Variants in COL5A3 observed in about 807,000 individuals in gnomAD.
The protein encoded by COL5A3 is collagen alpha-3(V) chain.
In COL5A3, 172 loss-of-function variants were observed where a neutral mutation model predicts 250.0. That is an observed-to-expected ratio of 0.69 (90% CI 0.61 to 0.78). The LOEUF is 0.78. Ranked by LOEUF, COL5A3 falls within the 30% of genes least tolerant of loss-of-function variation. COL5A3 has a pLI of 0.00. For synonymous variants in COL5A3, 937 were observed against 900.4 expected (o/e 1.04, Z -0.73); for missense variants, 2,340 against 2,334.4 (o/e 1.00, Z -0.05).
Position 10,010,504 on chromosome 19 carries a change from T to A in COL5A3, c.-119A>T, listed in dbSNP as rs2087515720. 4 of 581,756 alleles carry A rather than the reference T, an allele frequency of 6.9e-6. No homozygotes were observed. Among genetic ancestry groups the A allele is most frequent in the Non-Finnish European group, 1.0e-5 (4 of 381,398 alleles). 36.0% of individuals were successfully genotyped at this position (581,756 alleles called of 1,614,324 possible). On this transcript the variant is annotated 5_prime_UTR_variant, in exon 1 of 67. Coordinates refer to ENST00000264828, the MANE Select transcript of COL5A3 (RefSeq NM_015719.4). ...GCTCCTCTCAGGGTCCGCGGGAAACTGCCCGAGACCCCGCCCTGGCCTCGC... is the reference window on the plus strand; with the variant it reads ...GCTCCTCTCAGGGTCCGCGGGAAACAGCCCGAGACCCCGCCCTGGCCTCGC...
At chr19:9,964,478 T>C (rs2086711131) in intron 64 of COL5A3, among the ~76,000 whole-genome samples, 1 of 152,000 alleles carries the variant, frequency 6.6e-6, no homozygotes, top group Admixed American at 6.6e-5. Flanking sequence ...GATGCACACC[T>C]GTGTGATGCA....
chr19:9,983,604 A>AAG (rs1157519587), intron 31 of COL5A3, among the ~76,000 whole-genome samples: 2 of 99,776 alleles, frequency 2.0e-5, no homozygotes, highest in Non-Finnish European at 4.3e-5. Flanking sequence ...AAGAAAGAGA[A>AAG]AGAGAGAGAG....
At chr19:9,977,146 C>T (rs2086933058) in intron 44 of COL5A3, 83 bp downstream of exon 44, 16 of 1,350,632 alleles carry the variant, frequency 1.2e-5, no homozygotes, top group Non-Finnish European at 1.7e-5. Flanking sequence ...TCTCCTACCC[C>T]ATGGAGAATG....
At chr19:9,984,172 G>A (rs1263376989) in intron 31 of COL5A3, among the ~76,000 whole-genome samples, 1 of 152,082 alleles carries the variant, frequency 6.6e-6, no homozygotes, top group South Asian at 2.1e-4. Flanking sequence ...ACAGGCACCC[G>A]CCACTGCACC....
At position 9,996,496 on chromosome 19, in the gene COL5A3, G is replaced by A. The variant is rs1308887712; in HGVS notation, c.1359C>T (p.Ser453=). 1.9e-6 allele frequency: 3 copies of A among 1,614,124 alleles called. No homozygotes were observed. Among genetic ancestry groups the A allele is most frequent in the Admixed American group, 1.7e-5 (1 of 60,016 alleles). ...GGAATGAGACTGGGGGGCCTTTAAA[G>A]GAGCCGCCTGCAAACTGGAACTGGG... ...IMMPFQFAGG[S]FKGPPVSFQQ... The change falls in exon 13 of 67, where the codon TCC becomes TCT. Residue 453 remains serine, a synonymous_variant. Transcript: ENST00000264828.
intron 24 of COL5A3, among the ~76,000 whole-genome samples, chr19:9,990,816 G>A (rs2087178803): frequency 6.6e-6 from 1 of 152,128 alleles, no homozygotes; most frequent in African/African-American, 2.4e-5. Context: ...CCCCATCTCA[G>A]CCTCCCAAAG....
rs368019895 is a variant in COL5A3, at chr19:9,967,885, G to A, written c.4404+19C>T. The A allele has an allele frequency of 2.2e-5, 36 of 1,611,516 alleles. No homozygotes were observed. The highest frequency in any genetic ancestry group is 5.3e-5 in the African/African-American group (4 of 74,970). ...GGGGAGCTGGGATGTGTAAGCCCAC[G>A]GAAGCAGGGTGTACTCACCGGAGAC... On this transcript the variant is annotated intron_variant, in intron 61 of 66. Transcript: ENST00000264828.
intron 24 of COL5A3, 51 bp from the exon 25 acceptor site, chr19:9,989,573 A>G (rs1183402593): frequency 3.3e-6 from 5 of 1,518,554 alleles, no homozygotes; most frequent in African/African-American, 2.8e-5. Flanking sequence ...AGAGCCCTGG[A>G]GCACCACTAG....
intron 65 of COL5A3, among the ~76,000 whole-genome samples, chr19:9,961,148 C>T (rs556855111): frequency 6.6e-6 from 1 of 152,266 alleles, no homozygotes; most frequent in East Asian, 1.9e-4. Context: ...GCTTCATCCA[C>T]CAATCCAGGG....
intron 8 of COL5A3, among the ~76,000 whole-genome samples, chr19:9,999,435 A>C (rs1599225653): frequency 6.9e-6 from 1 of 145,892 alleles, no homozygotes; most frequent in South Asian, 2.2e-4. Context: ...GAGCCACTGC[A>C]CCTGGCCTTT....
intron 1 of COL5A3, among the ~76,000 whole-genome samples, chr19:10,007,389 C>T (rs1431688739): frequency 1.3e-5 from 2 of 152,254 alleles, no homozygotes; most frequent in Non-Finnish European, 2.9e-5. Context: ...GTCTGACCCT[C>T]TCCCTCTTTC....
chr19:9,991,845 G>A lies in COL5A3; in HGVS notation c.1894-4C>T. On this transcript the variant is annotated splice_region_variant and splice_polypyrimidine_tract_variant and intron_variant, in intron 22 of 66. Transcript: ENST00000264828. ...GGCCTGGTTCTCCTGGAGGACCCTGGGGAGAAAGTGGGGTTTCAGTGAAGC... is the reference window on the plus strand; with the variant it reads ...GGCCTGGTTCTCCTGGAGGACCCTGAGGAGAAAGTGGGGTTTCAGTGAAGC... 5 of 1,608,484 alleles carry A rather than the reference G, an allele frequency of 3.1e-6. No individual in the cohort carries two copies. Among genetic ancestry groups the A allele is most frequent in the Non-Finnish European group, 4.2e-6 (5 of 1,177,428 alleles).
At chr19:9,994,423 A>G (rs763650955) in intron 16 of COL5A3, among the ~76,000 whole-genome samples, 3 of 151,536 alleles carry the variant, frequency 2.0e-5, no homozygotes, top group Non-Finnish European at 2.9e-5. Flanking sequence ...GGCTCAAGCC[A>G]TCCTTTCACC....
At chr19:9,998,748 G>C (rs2087309122) in intron 8 of COL5A3, among the ~76,000 whole-genome samples, 1 of 150,190 alleles carries the variant, frequency 6.7e-6, no homozygotes, top group Non-Finnish European at 1.5e-5. Context: ...GCAGTGGTGT[G>C]ATCTCAGCTC....
intron 26 of COL5A3, 66 bp downstream of exon 26, chr19:9,989,256 C>G: frequency 6.2e-7 from 1 of 1,610,144 alleles, no homozygotes; most frequent in Non-Finnish European, 8.5e-7. Context: ...TCCTCTGTGG[C>G]CCCTGACTGC....
At chr19:9,980,613 C>G in intron 35 of COL5A3, 35 bp downstream of exon 35, 1 of 1,551,534 alleles carries the variant, frequency 6.4e-7, no homozygotes, top group Non-Finnish European at 8.7e-7. Context: ...CACACACACA[C>G]ACATTCACAC....
At chr19:9,971,548 T>C (rs1463781334) in intron 51 of COL5A3, among the ~76,000 whole-genome samples, 1 of 152,116 alleles carries the variant, frequency 6.6e-6, no homozygotes, top group Non-Finnish European at 1.5e-5. Flanking sequence ...GATTCGTCTA[T>C]TCATTCATTC....
chr19:9,961,534 C>CT (rs1234344243), intron 65 of COL5A3, among the ~76,000 whole-genome samples: 1,449 of 130,440 alleles, frequency 0.011, 26 homozygotes, highest in African/African-American at 0.036. Context: ...CTGGCTGGGA[C>CT]TTTTTTTTTT....
At chr19:9,999,248 G>C (rs1012266078) in intron 8 of COL5A3, among the ~76,000 whole-genome samples, 4 of 149,706 alleles carry the variant, frequency 2.7e-5, no homozygotes, top group Non-Finnish European at 5.9e-5. Flanking sequence ...TAGAATGCAG[G>C]GGTACAATCA....
Sources: gnomAD v4.1 joint callset for allele counts (sites outside exome capture counted in the v4.1 genomes callset) on GRCh38, gnomAD v4.1.1 for gene constraint, MANE v1.5 for transcripts, NCBI Gene and HGNC (gene_info 2026-07-23, HGNC 2026-07-21) for gene names.